Variants in SLC22A7 observed in about 807,000 individuals in gnomAD.
SLC22A7 encodes solute carrier family 22 member 7.
A neutral mutation model predicts 62.2 loss-of-function variants in SLC22A7; 48 were observed. The ratio of observed to expected loss-of-function variants is 0.77; its 90% CI spans 0.61 to 0.98. SLC22A7 has a LOEUF of 0.98. SLC22A7 is among the 50% of genes least tolerant of loss of function. SLC22A7 has a pLI of 0.00. For missense variants in SLC22A7, 581 were observed against 703.8 expected, an observed-to-expected ratio of 0.83 and a Z score of 1.97; for synonymous variants, 276 against 314.8, an observed-to-expected ratio of 0.88 and a Z score of 1.30.
At chr6:43,300,167 GA>G in intron 5 of SLC22A7, 101 bp downstream of exon 5, 1 of 1,250,876 alleles carries the variant, frequency 8.0e-7, no homozygotes, top group Non-Finnish European at 1.1e-6. Flanking sequence ...GAGATGAAGG[GA>G]AAGAGAAACG....
chr6:43,296,405 G>T (rs1346721118), upstream of SLC22A7, among the ~76,000 whole-genome samples: 1 of 152,252 alleles, frequency 6.6e-6, no homozygotes, highest in African/African-American at 2.4e-5. Context: ...GTATTACCCT[G>T]TGGAGCCACT....
Position 43,299,548 on chromosome 6 carries a change from A to G in SLC22A7, c.503+55A>G. The G allele has an allele frequency of 6.2e-7, 1 of 1,606,252 alleles. No individual in the cohort carries two copies. ...CTGGCTGGGGGAACTTTCTCCCACT[A>G]GCTGGGGTATGAGCCTAGTCTACCT... On this transcript the variant is annotated intron_variant, in intron 3 of 10. Transcript: ENST00000372585. This position sits in a 1 kb window ranked among gnomAD's most constrained non-coding sequence, Gnocchi z 4.4.
chr6:43,303,277 A>AGGGTTTCACCATGT, intron 9 of SLC22A7: 2 of 364,446 alleles, frequency 5.5e-6, no homozygotes, highest in Non-Finnish European at 7.6e-6. Flanking sequence ...CCTGACCAAC[A>AGGGTTTCACCATGT]TGGTGAAACC....
In SLC22A7 at chr6:43,300,045, C is replaced by A; in HGVS notation, c.806C>A (p.Ala269Asp). 6.2e-7 allele frequency: 1 copy of A among 1,614,002 alleles called. No homozygotes were observed. Among genetic ancestry groups the A allele is most frequent in the Non-Finnish European group, 8.5e-7 (1 of 1,180,002 alleles). ...CTGCTAGCTGTCACCCTGCCTTGTG[C>A]CCCAGGCATCCTCAGCCTCTGGTGA... ...WLLLAVTLPC[A>D]PGILSLWWVP... Residue 269 changes from alanine to aspartate, a missense_variant, in exon 5 of 11, where the codon GCC (alanine) becomes GAC (aspartate). Physicochemically the swap from Ala to Asp is moderately radical, Grantham distance 126. Transcript: ENST00000372585.
Position 43,304,216 on chromosome 6 carries a change from G to C in SLC22A7, c.1564G>C (p.Glu522Gln). The change falls in exon 10 of 11, where the codon GAG becomes CAG. Residue 522 changes from glutamate to glutamine, a missense_variant. Physicochemically the swap from Glu to Gln is conservative, Grantham distance 29. Transcript: ENST00000372585. Reference sequence around the variant, plus strand: ...AGAGACGAGGCAGGCACAGCTGCCAGAGACCATCCAGGACGTGGAGAGAAA... The same window carrying C: ...AGAGACGAGGCAGGCACAGCTGCCACAGACCATCCAGGACGTGGAGAGAAA... Reference protein sequence around the residue: ...LPETRQAQLPETIQDVERKSA... With the variant: ...LPETRQAQLPQTIQDVERKSA... The C allele has an allele frequency of 6.3e-7, 1 of 1,580,514 alleles. No homozygotes were observed. The highest frequency in any genetic ancestry group is 8.6e-7 in the Non-Finnish European group (1 of 1,161,228).
rs527506425 is a variant in SLC22A7 at position 43,302,863 on chromosome 6, A to AC, written c.1385+100_1385+101insC. 1.2e-5 allele frequency: 9 copies of AC among 736,770 alleles called. No homozygotes were observed. The highest frequency in any genetic ancestry group is 1.5e-5 in the Non-Finnish European group (7 of 465,400). 45.6% of individuals were successfully genotyped at this position (736,770 alleles called of 1,614,324 possible). On this transcript the variant is annotated intron_variant, in intron 9 of 10. Transcript: ENST00000372585. The surrounding 1 kb of genome is among the most constrained non-coding windows in gnomAD (Gnocchi z 5.0). ...CGCACCACAACCTGGTCTCTCACTC[A>AC]TTTTTTTTTTAATTTTAATTTTTGG...
rs1393661660 is a variant in SLC22A7, at chr6:43,302,412, C to G, written c.1274C>G (p.Ser425Cys). The G allele has an allele frequency of 6.3e-7, 1 of 1,579,258 alleles. No homozygotes were observed. Among genetic ancestry groups the G allele is most frequent in the Non-Finnish European group, 8.6e-7 (1 of 1,164,124 alleles). The change falls in exon 8 of 11, where the codon TCC becomes TGC. Residue 425 changes from serine to cysteine, a missense_variant and splice_region_variant. By Grantham distance (112) the Ser-to-Cys change is moderately radical. Transcript: ENST00000372585. This position sits in a 1 kb window ranked among gnomAD's most constrained non-coding sequence, Gnocchi z 5.0. ...LAFGTRLLVSSDMKSWSTVLA... is the reference protein window; with the variant it reads ...LAFGTRLLVSCDMKSWSTVLA... ...TTCGGCACTAGACTGCTAGTGTCCT[C>G]CGGTGAGCCCAGTCCCATAGGTTCT...
Position 43,299,844 on chromosome 6 carries a change from G to T in SLC22A7, c.659-54G>T, listed in dbSNP as rs779060138. ...GGAAGAAGGCAGTTGTCAGAGTGAG[G>T]CTGAGCCCATCTGGTCCTCACTAAC... On this transcript the variant is annotated intron_variant, in intron 4 of 10. Coordinates refer to ENST00000372585, the MANE Select transcript of SLC22A7 (RefSeq NM_153320.2). The surrounding 1 kb of genome is among the most constrained non-coding windows in gnomAD (Gnocchi z 4.4). The T allele has an allele frequency of 6.2e-7, 1 of 1,614,158 alleles. No individual in the cohort carries two copies. Among genetic ancestry groups the T allele is most frequent in the East Asian group, 2.2e-5 (1 of 44,886 alleles).
rs1451067242 is a variant in SLC22A7, at chr6:43,299,377, C to T, written c.400-13C>T. 4 of 1,613,836 alleles carry T rather than the reference C, an allele frequency of 2.5e-6. No homozygotes were observed. Among genetic ancestry groups the T allele is most frequent in the Non-Finnish European group, 3.4e-6 (4 of 1,179,708 alleles). ...GATGTTCATAGGAGGTCCCTTTCTG[C>T]CTGTCCTTGCAGTGGGATCTGGTGT... On this transcript the variant is annotated splice_polypyrimidine_tract_variant and intron_variant, in intron 2 of 10. Coordinates refer to ENST00000372585, the MANE Select transcript of SLC22A7 (RefSeq NM_153320.2). This position sits in a 1 kb window ranked among gnomAD's most constrained non-coding sequence, Gnocchi z 4.4.
At position 43,302,304 on chromosome 6, in the gene SLC22A7, C is replaced by G; in HGVS notation, c.1166C>G (p.Ser389Cys). ...TTGTTCGGGGCTGTGGAACTGCCCTCCAAGCTGCTGGTCTACTTGTCGGTG... is the reference window on the plus strand; with the variant it reads ...TTGTTCGGGGCTGTGGAACTGCCCTGCAAGCTGCTGGTCTACTTGTCGGTG... The part of the protein sequence containing the change: ...QLLFGAVELP[S>C]KLLVYLSVRY... Residue 389 changes from serine (S) to cysteine (C), a missense_variant, in exon 8 of 11, where the codon TCC becomes TGC. Physicochemically the swap from Ser to Cys is moderately radical, Grantham distance 112. Transcript: ENST00000372585. The surrounding 1 kb of genome is among the most constrained non-coding windows in gnomAD (Gnocchi z 5.0). 1 of 1,613,986 alleles carries G rather than the reference C, an allele frequency of 6.2e-7. No homozygotes were observed.
rs1483870685 is a variant in SLC22A7 at position 43,302,691 on chromosome 6, G to A, written c.1313G>A (p.Gly438Glu). 1 of 1,608,710 alleles carries A rather than the reference G, an allele frequency of 6.2e-7. No individual in the cohort carries two copies. The highest frequency in any genetic ancestry group is 1.1e-5 in the South Asian group (1 of 89,912). Residue 438 changes from glycine to glutamate, a missense_variant, in exon 9 of 11, where the codon GGG becomes GAG. Physicochemically the swap from Gly to Glu is moderately conservative, Grantham distance 98. Coordinates refer to ENST00000372585, the MANE Select transcript of SLC22A7 (RefSeq NM_153320.2). The surrounding 1 kb of genome is among the most constrained non-coding windows in gnomAD (Gnocchi z 5.0). ...KSWSTVLAVM[G>E]KAFSEAAFTT... The stretch of plus-strand genomic sequence containing the variant: ...TGGAGCACTGTCCTGGCAGTGATGG[G>A]GAAAGCTTTTTCTGAAGCTGCCTTC...
chr6:43,302,786 TG>T lies in SLC22A7; in HGVS notation c.1385+28del. ...CAGGTGAGGAAGCCTGCAACTGATCTGGGGGTATGGGGCTTGTTAGTCACGT... is the reference window on the plus strand; with the variant it reads ...CAGGTGAGGAAGCCTGCAACTGATCTGGGGTATGGGGCTTGTTAGTCACGT... On this transcript the variant is annotated intron_variant, in intron 9 of 10. Transcript: ENST00000372585. The surrounding 1 kb of genome is among the most constrained non-coding windows in gnomAD (Gnocchi z 5.0). 4 of 1,478,912 alleles carry T rather than the reference TG, an allele frequency of 2.7e-6. No individual in the cohort carries two copies. The highest frequency in any genetic ancestry group is 1.4e-5 in the African/African-American group (1 of 72,568). The allele number at this position is 1,478,912 out of a possible 1,614,324, so 91.6% of individuals were successfully genotyped here.
chr6:43,304,887 C>A lies in SLC22A7; in HGVS notation c.*162C>A, dbSNP rs1384162668. Reference sequence around the variant, plus strand: ...TGCTCATCCATCCTTGATTATTTGGCTTCTAGGAACAGTTGACTTCCCAGA... The same window carrying A: ...TGCTCATCCATCCTTGATTATTTGGATTCTAGGAACAGTTGACTTCCCAGA... On this transcript the variant is annotated 3_prime_UTR_variant, in exon 11 of 11. Transcript: ENST00000372585. The A allele has an allele frequency of 8.1e-6, 4 of 494,190 alleles. No homozygotes were observed. Among genetic ancestry groups the A allele is most frequent in the Non-Finnish European group, 1.4e-5 (4 of 284,158 alleles). The allele number at this position is 494,190 out of a possible 1,614,324, so 30.6% of individuals were successfully genotyped here. A position where few individuals can be genotyped will look rare whatever the true frequency, so the allele number is the denominator to read the frequency against.
Position 43,305,301 on chromosome 6 carries a change from T to G in SLC22A7, c.*576T>G, listed in dbSNP as rs955208910. ...GGTGGGCATGCTGTCCACTGTGTGGTGCTAGGACTGCCAATGCCAGGCCCA... is the reference window on the plus strand; with the variant it reads ...GGTGGGCATGCTGTCCACTGTGTGGGGCTAGGACTGCCAATGCCAGGCCCA... On this transcript the variant is annotated 3_prime_UTR_variant, in exon 11 of 11. Coordinates refer to ENST00000372585, the MANE Select transcript of SLC22A7 (RefSeq NM_153320.2). 1 of 217,206 alleles carries G rather than the reference T, an allele frequency of 4.6e-6. No individual in the cohort carries two copies. Among genetic ancestry groups the G allele is most frequent in the South Asian group, 7.1e-5 (1 of 14,052 alleles). The allele number at this position is 217,206 out of a possible 1,614,324, so 13.5% of individuals were successfully genotyped here.
chr6:43,300,734 GGTTCTCCTGCATTAGCCTCCT>G (rs1475174354), intron 5 of SLC22A7, among the ~76,000 whole-genome samples: 1 of 152,202 alleles, frequency 6.6e-6, no homozygotes, highest in Non-Finnish European at 1.5e-5. Context: ...AGGCTCAAGT[GGTTCTCCTGCATTAGCCTCCT>G]GAGTAGCTGG....
chr6:43,304,555 C>G (rs374264752), intron 10 of SLC22A7, 116 bp from the exon 11 acceptor site: 1 of 824,116 alleles, frequency 1.2e-6, no homozygotes, highest in African/African-American at 1.7e-5. Flanking sequence ...GTCACTTGTA[C>G]AGGCGTTTGT....
rs548708318 is a variant in SLC22A7, at chr6:43,302,025, C to T, written c.1062-175C>T. On this transcript the variant is annotated intron_variant, in intron 7 of 10. Coordinates refer to ENST00000372585, the MANE Select transcript of SLC22A7 (RefSeq NM_153320.2). The surrounding 1 kb of genome is among the most constrained non-coding windows in gnomAD (Gnocchi z 5.0). The stretch of plus-strand genomic sequence containing the variant: ...AATTAGGGTAAAGGCGCTTTGACTA[C>T]TGGCGCATGCTGCACAGAGGGCATT... Among the ~76,000 whole-genome samples the T allele has an allele frequency of 6.6e-6, 1 of 152,272 alleles. No individual in the cohort carries two copies. The highest frequency in any genetic ancestry group is 1.9e-4 in the East Asian group (1 of 5,190).
chr6:43,302,482 G>T lies in SLC22A7; in HGVS notation c.1276+68G>T. On this transcript the variant is annotated intron_variant, in intron 8 of 10. Transcript: ENST00000372585. The surrounding 1 kb of genome is among the most constrained non-coding windows in gnomAD (Gnocchi z 5.0). ...CCAGGAACCCTGCCCACTCCCCGGA[G>T]ACCCCACCTCCTGGCCAAGAACCCA... The T allele has an allele frequency of 7.2e-7, 1 of 1,394,652 alleles. No homozygotes were observed. The allele number at this position is 1,394,652 out of a possible 1,614,324, so 86.4% of individuals were successfully genotyped here. A position where few individuals can be genotyped will look rare whatever the true frequency, so the allele number is the denominator to read the frequency against.
chr6:43,300,118 G>C (rs770322686), intron 5 of SLC22A7, 52 bp downstream of exon 5: 1 of 1,573,324 alleles, frequency 6.4e-7, no homozygotes, highest in Admixed American at 1.7e-5. Flanking sequence ...TGAAAGATGA[G>C]ATTAATCAGA....
Sources: gnomAD v4.1 joint callset for allele counts (sites outside exome capture counted in the v4.1 genomes callset) on GRCh38, gnomAD v4.1.1 for gene constraint, Gnocchi (gnomAD v3.1) non-coding constraint, MANE v1.5 for transcripts, NCBI Gene and HGNC (gene_info 2026-07-23, HGNC 2026-07-21) for gene names.